MYH11: variants seen among roughly 807,000 people sequenced by gnomAD.
MYH11 encodes the protein myosin heavy chain 11, also known as myosin-11.
MYH11 carries 80 observed loss-of-function variants against 246.6 expected under a neutral mutation model. That is an observed-to-expected ratio of 0.32 (90% CI 0.27 to 0.39). MYH11 has a LOEUF of 0.39. Ranked by LOEUF, MYH11 falls within the 10% of genes least tolerant of loss-of-function variation. The pLI, the probability that MYH11 is intolerant of heterozygous loss-of-function variation, is 1.00. For synonymous variants in MYH11, 1,071 were observed against 1,015.5 expected (o/e 1.05, Z -1.04); for missense variants, 2,158 against 2,546.8 (o/e 0.85, Z 3.29).
Position 15,703,381 on chromosome 16 carries a change from C to T in MYH11, c.*610G>A, listed in dbSNP as rs189033300. ...TAGGGAATGAATTGGGAGTGGGGGC[C>T]GGCGGCACCCATTTCGGTGACTTTC... is the stretch of plus-strand genomic sequence containing the variant. On this transcript the variant is annotated 3_prime_UTR_variant, in exon 41 of 41. Transcript: ENST00000300036. The T allele has an allele frequency of 1.9e-4, 46 of 237,614 alleles. No homozygotes were observed. Among genetic ancestry groups the T allele is most frequent in the Admixed American group, 1.5e-3 (29 of 19,586 alleles). The allele number at this position is 237,614 out of a possible 1,614,324, so 14.7% of individuals were successfully genotyped here. A position where few individuals can be genotyped will look rare whatever the true frequency, so the allele number is the denominator to read the frequency against.
At position 15,788,095 on chromosome 16, in the gene MYH11, T is replaced by TTTTTTTTTTTTTTTTTTTTTTTTTTTA. The variant is rs11273419; in HGVS notation, c.531-1364_531-1363insTAAAAAAAAAAAAAAAAAAAAAAAAAA. ...GGTAGATCTTTTTTTTTTTTTTTTT[T>TTTTTTTTTTTTTTTTTTTTTTTTTTTA]ACCAAGATGGCTTTCGTGCACTAGC... On this transcript the variant is annotated intron_variant, in intron 4 of 40. Transcript: ENST00000300036. Among the ~76,000 whole-genome samples, 173 of 99,478 alleles carry TTTTTTTTTTTTTTTTTTTTTTTTTTTA rather than the reference T, an allele frequency of 1.7e-3. 33 individuals carry two copies. The highest frequency in any genetic ancestry group is 5.8e-3 in the Middle Eastern group (1 of 172). 65.3% of individuals were successfully genotyped at this position (99,478 alleles called of 152,430 possible).
In MYH11 at chr16:15,741,608, T is replaced by A. The variant is rs2041274483; in HGVS notation, c.2714A>T (p.Glu905Val). The change falls in exon 22 of 41, where the codon GAG becomes GTG. Residue 905 changes from glutamate (E) to valine (V), a missense_variant. Glu to Val is a moderately radical substitution (Grantham distance 121). Around this residue, in one of 11 missense-constraint regions of MYH11, gnomAD observed 284 missense variants for 315.4 expected, o/e 0.90. Coordinates refer to ENST00000300036, the MANE Select transcript of MYH11 (RefSeq NM_002474.3). ...CAGCCGCACCCGCATCTCCTCAGCC[T>A]CTGCATACAGCTCTGTCTCTGCCTG... ...QLQAETELYA[E>V]AEEMRVRLAA... 6.2e-7 allele frequency: 1 copy of A among 1,613,168 alleles called. No homozygotes were observed. Among genetic ancestry groups the A allele is most frequent in the Non-Finnish European group, 8.5e-7 (1 of 1,180,024 alleles).
chr16:15,745,290 C>G, intron 19 of MYH11, 53 bp from the exon 20 acceptor site: 1 of 1,292,852 alleles, frequency 7.7e-7, no homozygotes, highest in Non-Finnish European at 1.1e-6. Context: ...ACCCTGCTGT[C>G]AACAGAGCCC....
chr16:15,715,045 T>C lies in MYH11; in HGVS notation c.5650A>G (p.Arg1884Gly). ...KGNARVKQLKRQLEEAEEESQ... is the reference protein window; with the variant it reads ...KGNARVKQLKGQLEEAEEESQ... The stretch of plus-strand genomic sequence containing the variant: ...TCCTCCTCTGCCTCCTCCAGCTGCC[T>C]CTTGAGCTGCTTGACCCTGGCATTG... Residue 1884 changes from arginine to glycine, a missense_variant, in exon 40 of 41, where the codon AGG (arginine) becomes GGG (glycine). Physicochemically the swap from Arg to Gly is moderately radical, Grantham distance 125. Around this residue, in one of 11 missense-constraint regions of MYH11, gnomAD observed 1,013 missense variants for 993.5 expected, o/e 1.02. Transcript: ENST00000300036. The C allele has an allele frequency of 1.2e-6, 2 of 1,613,702 alleles. No individual in the cohort carries two copies. The highest frequency in any genetic ancestry group is 1.3e-5 in the African/African-American group (1 of 75,016).
At chr16:15,747,753 A>G (rs771860082) in intron 18 of MYH11, 23 bp from the exon 19 acceptor site, 1 of 1,613,868 alleles carries the variant, frequency 6.2e-7, no homozygotes, top group East Asian at 2.2e-5. Flanking sequence ...GGAAAGGAAG[A>G]GCTCCTGATT....
Position 15,714,898 on chromosome 16 carries a change from G to A in MYH11, c.5786+11C>T, listed in dbSNP as rs374454501. The A allele has an allele frequency of 4.9e-4, 793 of 1,613,134 alleles. 3 individuals carry two copies. Among genetic ancestry groups the A allele is most frequent in the Non-Finnish European group, 5.9e-4 (691 of 1,179,926 alleles). ...GAGAGACGGGGTCCTCCCGGGCCAC[G>A]GGCTCCTCACCTGAGCTTGCTCTTG... On this transcript the variant is annotated intron_variant, in intron 40 of 40. Coordinates refer to ENST00000300036, the MANE Select transcript of MYH11 (RefSeq NM_002474.3).
rs139084644 is a variant in MYH11, at chr16:15,808,131, A to G, written c.503-9444T>C. Among the ~76,000 whole-genome samples the G allele has an allele frequency of 1.1e-3, 170 of 152,326 alleles. 1 individual carries two copies. Among genetic ancestry groups the G allele is most frequent in the African/African-American group, 3.8e-3 (160 of 41,576 alleles). On this transcript the variant is annotated intron_variant, in intron 3 of 40. Transcript: ENST00000300036. Reference sequence around the variant, plus strand: ...GTCTCAGCCTCCATTGCCTGCAGAAAAGTGGCTCTCTACCTAATGCCCCGC... The same window carrying G: ...GTCTCAGCCTCCATTGCCTGCAGAAGAGTGGCTCTCTACCTAATGCCCCGC...
chr16:15,748,152 G>T lies in MYH11; in HGVS notation c.2075C>A (p.Ala692Glu). The T allele has an allele frequency of 6.2e-7, 1 of 1,613,904 alleles. No homozygotes were observed. The highest frequency in any genetic ancestry group is 8.5e-7 in the Non-Finnish European group (1 of 1,180,034). ...CCGCAGCTGCTCCAGCACCAGGAAC[G>T]CATCCAGCTTGCCGGACTGCAAAGG... ...NHEKRSGKLD[A>E]FLVLEQLRCN... The change falls in exon 17 of 41, where the codon GCG (alanine) becomes GAG (glutamate). Residue 692 changes from alanine (A) to glutamate (E), a missense_variant. This residue lies in a region of MYH11 where 317 missense variants were observed against 507.7 expected (regional missense o/e 0.62). Coordinates refer to ENST00000300036, the MANE Select transcript of MYH11 (RefSeq NM_002474.3).
intron 27 of MYH11, 59 bp downstream of exon 27, chr16:15,732,505 G>T: frequency 6.2e-7 from 1 of 1,612,382 alleles, no homozygotes; most frequent in Non-Finnish European, 8.5e-7. Flanking sequence ...GTAGTAATTT[G>T]AGGCTGCTGA....
At chr16:15,720,352 C>T (rs1372502912) in intron 33 of MYH11, 40 bp from the exon 34 acceptor site, 27 of 1,596,448 alleles carry the variant, frequency 1.7e-5, no homozygotes, top group Non-Finnish European at 2.3e-5. Flanking sequence ...CCACTTGCCC[C>T]TGGGAGGTCC....
At chr16:15,804,985 G>C (rs1026496368) in intron 3 of MYH11, among the ~76,000 whole-genome samples, 2 of 152,262 alleles carry the variant, frequency 1.3e-5, no homozygotes, top group Middle Eastern at 3.4e-3. Flanking sequence ...ACAAGTTTTA[G>C]TTTGAGTACC....
chr16:15,756,903 A>T (rs975155726), intron 13 of MYH11, among the ~76,000 whole-genome samples: 1 of 141,640 alleles, frequency 7.1e-6, no homozygotes, highest in Non-Finnish European at 1.5e-5. Flanking sequence ...GGTTCACGCC[A>T]TTCTCCTGCC....
chr16:15,707,288 C>T (rs1178404039), intron 40 of MYH11, among the ~76,000 whole-genome samples: 2 of 152,178 alleles, frequency 1.3e-5, no homozygotes, highest in African/African-American at 4.8e-5. Flanking sequence ...CTCGGCCTCC[C>T]AAAGTGCTGG....
intron 38 of MYH11, among the ~76,000 whole-genome samples, chr16:15,715,605 G>C (rs936564968): frequency 6.6e-6 from 1 of 152,260 alleles, no homozygotes; most frequent in Admixed American, 6.5e-5. Context: ...GAAGGGAGTG[G>C]TTACAGGGCA....
chr16:15,717,063 G>T, intron 38 of MYH11, 77 bp downstream of exon 38: 1 of 1,464,238 alleles, frequency 6.8e-7, no homozygotes, highest in Non-Finnish European at 9.6e-7. Flanking sequence ...TGCTGGAAGA[G>T]GTTCCCTGAC....
At position 15,741,793 on chromosome 16, in the gene MYH11, A is replaced by C; in HGVS notation, c.2619T>G (p.Asn873Lys). 6.2e-7 allele frequency: 1 copy of C among 1,614,102 alleles called. No individual in the cohort carries two copies. Residue 873 changes from asparagine (N) to lysine (K), a missense_variant, in exon 21 of 41, where the codon AAT becomes AAG. Asn to Lys is a moderately conservative substitution (Grantham distance 94, BLOSUM62 0). Coordinates refer to ENST00000300036, the MANE Select transcript of MYH11 (RefSeq NM_002474.3). ...KTKERQQKAE[N>K]ELKELEQKHS... ...GCTTCTGTTCCAGCTCCTTAAGCTC[A>C]TTCTCTGCCTTCTGCTGCCGCTCCT...
rs182768107 is a variant in MYH11 at position 15,703,954 on chromosome 16, G to T, written c.*37C>A. The T allele has an allele frequency of 5.4e-4, 872 of 1,613,108 alleles. 15 individuals are homozygous for T. In the East Asian group the frequency reaches 0.017, roughly 32 times the overall value. On this transcript the variant is annotated 3_prime_UTR_variant, in exon 41 of 41. Coordinates refer to ENST00000300036, the MANE Select transcript of MYH11 (RefSeq NM_002474.3). The stretch of plus-strand genomic sequence containing the variant: ...TTTTTGTTTGTTTGTTTTGGTTTTT[G>T]GTTTTCTTGCCGTGGTGCAAAACTG...
At chr16:15,734,602 AT>A (rs906843220) in intron 26 of MYH11, among the ~76,000 whole-genome samples, 17 of 151,830 alleles carry the variant, frequency 1.1e-4, no homozygotes, top group East Asian at 5.8e-4. Context: ...CCTAAAGGTG[AT>A]TTTTTTTTAT....
At chr16:15,776,404 G>A (rs1225346640) in intron 7 of MYH11, among the ~76,000 whole-genome samples, 3 of 152,100 alleles carry the variant, frequency 2.0e-5, no homozygotes, top group Non-Finnish European at 4.4e-5. Flanking sequence ...AAAAGAAAAA[G>A]CATAAAAAGG....
Sources: allele counts gnomAD v4.1 joint callset (sites outside exome capture counted in the v4.1 genomes callset), GRCh38; gene constraint gnomAD v4.1.1; regional missense constraint gnomAD v4.1.1; transcripts MANE v1.5; gene names NCBI Gene and HGNC (gene_info 2026-07-23, HGNC 2026-07-21).